ARSJ: variants seen among roughly 807,000 people sequenced by gnomAD.
ARSJ encodes the protein arylsulfatase J.
A neutral mutation model predicts 35.9 loss-of-function variants in ARSJ; 26 were observed. That is an observed-to-expected ratio of 0.72 (90% confidence interval 0.53 to 1.00). The LOEUF (loss-of-function observed/expected upper bound fraction) is 1.00. ARSJ is among the 50% of genes least tolerant of loss of function. ARSJ has a pLI of 0.00. For missense variants in ARSJ, 667 were observed against 723.6 expected (o/e 0.92, Z 0.90); for synonymous variants, 294 against 267.6 (o/e 1.10, Z -0.96).
At chr4:113,912,843 T>A in intron 1 of ARSJ, among the ~76,000 whole-genome samples, 1 of 151,994 alleles carries the variant, frequency 6.6e-6, no homozygotes, top group East Asian at 1.9e-4. Flanking sequence ...GGGAACATAA[T>A]AATTGTGGGA....
rs1470102889 is a variant in ARSJ, at chr4:113,901,125, A to G, written c.*1149T>C. ...CTATTAGTAAAGATTTTTATTTTTT[A>G]GGACCAATGATACAATTTTAGCTAG... On this transcript the variant is annotated 3_prime_UTR_variant, in exon 2 of 2. Coordinates refer to ENST00000315366, the MANE Select transcript of ARSJ (RefSeq NM_024590.4). 6.6e-6 allele frequency: 1 copy of G among 152,194 alleles called. No individual in the cohort carries two copies. Among genetic ancestry groups the G allele is most frequent in the Admixed American group, 6.5e-5 (1 of 15,272 alleles). The allele number at this position is 152,194 out of a possible 1,614,324, so 9.4% of individuals were successfully genotyped here.
At chr4:113,910,384 T>C (rs2099670093) in intron 1 of ARSJ, among the ~76,000 whole-genome samples, 1 of 152,232 alleles carries the variant, frequency 6.6e-6, no homozygotes, top group African/African-American at 2.4e-5. Flanking sequence ...AAAATATGAA[T>C]ACTAATACTT....
intron 1 of ARSJ, among the ~76,000 whole-genome samples, chr4:113,961,288 G>T (rs1439550091): frequency 6.6e-6 from 1 of 152,216 alleles, no homozygotes; most frequent in Admixed American, 6.5e-5. Flanking sequence ...ACTTGTAAAA[G>T]ATTATGAGAT....
chr4:113,969,713 T>A (rs1727122699), intron 1 of ARSJ, among the ~76,000 whole-genome samples: 1 of 152,208 alleles, frequency 6.6e-6, no homozygotes. Flanking sequence ...GTACTGTAAT[T>A]CAGATTTCCT....
chr4:113,949,529 G>A (rs770161455), intron 1 of ARSJ, among the ~76,000 whole-genome samples: 21 of 151,974 alleles, frequency 1.4e-4, no homozygotes, highest in African/African-American at 3.1e-4. Flanking sequence ...TGCCATTTCC[G>A]AAAGAAGTTC....
Position 113,901,915 on chromosome 4 carries a change from A to G in ARSJ, c.*359T>C. 6.4e-6 allele frequency: 2 copies of G among 310,104 alleles called. 1 individual carries two copies. The highest frequency in any genetic ancestry group is 6.5e-5 in the South Asian group (2 of 30,648). 19.2% of individuals were successfully genotyped at this position (310,104 alleles called of 1,614,324 possible). ...GATGGTATACCCTGTAACTTCCATC[A>G]AATTAGCATGCTTGCGGATGGTAGG... On this transcript the variant is annotated 3_prime_UTR_variant, in exon 2 of 2. Coordinates refer to ENST00000315366, the MANE Select transcript of ARSJ (RefSeq NM_024590.4).
At chr4:113,965,855 A>G (rs1262037879) in intron 1 of ARSJ, among the ~76,000 whole-genome samples, 1 of 152,066 alleles carries the variant, frequency 6.6e-6, no homozygotes. Flanking sequence ...TCTAAACCAA[A>G]TTAAATTTTA....
chr4:113,962,129 G>C (rs1726586019), intron 1 of ARSJ, among the ~76,000 whole-genome samples: 1 of 151,974 alleles, frequency 6.6e-6, no homozygotes. Flanking sequence ...GTGAAGTAAG[G>C]GAGAATGGTG....
At chr4:113,919,060 G>C (rs769043698) in intron 1 of ARSJ, among the ~76,000 whole-genome samples, 1 of 151,970 alleles carries the variant, frequency 6.6e-6, no homozygotes, top group African/African-American at 2.4e-5. Context: ...TCAACTTCTA[G>C]AGTATTTGGC....
chr4:113,966,450 A>G (rs941803162), intron 1 of ARSJ, among the ~76,000 whole-genome samples: 1 of 152,148 alleles, frequency 6.6e-6, no homozygotes, highest in Non-Finnish European at 1.5e-5. Context: ...TGATGCATCT[A>G]TCTCAATGCC....
chr4:113,923,300 A>T (rs1723799294), intron 1 of ARSJ, among the ~76,000 whole-genome samples: 1 of 152,232 alleles, frequency 6.6e-6, no homozygotes, highest in South Asian at 2.1e-4. Flanking sequence ...TCTTAGAAAT[A>T]CATTATTCTT....
At chr4:113,927,846 T>C (rs572139921) in intron 1 of ARSJ, among the ~76,000 whole-genome samples, 91 of 152,292 alleles carry the variant, frequency 6.0e-4, no homozygotes, top group Non-Finnish European at 1.1e-3. Flanking sequence ...CACTAATCTC[T>C]GCAATCCATC....
chr4:113,957,302 G>A (rs999825297), intron 1 of ARSJ, among the ~76,000 whole-genome samples: 7 of 151,872 alleles, frequency 4.6e-5, no homozygotes, highest in African/African-American at 1.5e-4. Flanking sequence ...ATCTCTATTA[G>A]CATCCTTATA....
chr4:113,952,652 G>T (rs1474932975), intron 1 of ARSJ, among the ~76,000 whole-genome samples: 2 of 152,106 alleles, frequency 1.3e-5, no homozygotes, highest in Non-Finnish European at 2.9e-5. Context: ...AGAGGGCTGA[G>T]AACTAGGTAC....
At chr4:113,931,082 G>A (rs1427684282) in intron 1 of ARSJ, among the ~76,000 whole-genome samples, 2 of 151,904 alleles carry the variant, frequency 1.3e-5, no homozygotes, top group South Asian at 2.1e-4. Flanking sequence ...GCTAGATGAC[G>A]AGTTAGTGGG....
chr4:113,911,630 G>T (rs1223843813), intron 1 of ARSJ, among the ~76,000 whole-genome samples: 4 of 152,102 alleles, frequency 2.6e-5, no homozygotes, highest in Non-Finnish European at 5.9e-5. Flanking sequence ...CAAAGTGTCT[G>T]GTCTGGGTGG....
intron 1 of ARSJ, among the ~76,000 whole-genome samples, chr4:113,930,943 C>A (rs954581470): frequency 2.7e-5 from 4 of 150,080 alleles, no homozygotes; most frequent in African/African-American, 9.9e-5. Context: ...CCAAACACCG[C>A]ATATTCTCAC....
intron 1 of ARSJ, among the ~76,000 whole-genome samples, chr4:113,949,435 A>C (rs1027196668): frequency 6.6e-6 from 1 of 152,058 alleles, no homozygotes; most frequent in African/African-American, 2.4e-5. Flanking sequence ...ACCAGAGACT[A>C]TCTCTTTCCT....
chr4:113,916,798 G>A (rs1409170707), intron 1 of ARSJ, among the ~76,000 whole-genome samples: 2 of 152,068 alleles, frequency 1.3e-5, no homozygotes, highest in African/African-American at 4.8e-5. Context: ...AAATGTCTAT[G>A]GAGGAATGCA....
Sources: allele counts gnomAD v4.1 joint callset (sites outside exome capture counted in the v4.1 genomes callset), GRCh38; gene constraint gnomAD v4.1.1; transcripts MANE v1.5; gene names NCBI Gene and HGNC (gene_info 2026-07-23, HGNC 2026-07-21).